The following GRIN2C variants were observed in gnomAD, a reference collection of about 807,000 sequenced individuals.
The protein encoded by GRIN2C is glutamate receptor ionotropic, NMDA 2C.
GRIN2C carries 64 observed loss-of-function variants against 77.7 expected under a neutral mutation model. The observed-to-expected ratio is 0.82, with a 90% confidence interval of 0.67 to 1.01. The LOEUF (loss-of-function observed/expected upper bound fraction) is 1.01. Ranked by LOEUF, GRIN2C falls within the 50% of genes least tolerant of loss-of-function variation. The pLI is 0.00. For synonymous variants in GRIN2C, 792 were observed against 643.4 expected (o/e 1.23, Z -3.49); for missense variants, 1,549 against 1,486.0 (o/e 1.04, Z -0.70).
rs139632656 is a variant in GRIN2C at position 74,853,463 on chromosome 17, T to C, written c.400-852A>G. ...AAACAGGCTGCAAAATAAACACTTA[T>C]GACAGTTATGAAACAATGGGGAAAT... On this transcript the variant is annotated intron_variant, in intron 2 of 12. Transcript: ENST00000293190. 14 of 152,354 alleles carry C rather than the reference T, an allele frequency of 9.2e-5. No individual in the cohort carries two copies. The East Asian group carries it at 2.1e-3, about 23-fold the overall frequency. The allele number at this position is 152,354 out of a possible 1,614,324, so 9.4% of individuals were successfully genotyped here. A position where few individuals can be genotyped will look rare whatever the true frequency, so the allele number is the denominator to read the frequency against.
chr17:74,842,980 G>T lies in GRIN2C; in HGVS notation c.3157C>A (p.Pro1053Thr), dbSNP rs969630193. The change falls in exon 13 of 13, where the codon CCG becomes ACG. Residue 1053 changes from proline (P) to threonine (T), a missense_variant. Around this residue, in one of 3 missense-constraint regions of GRIN2C, gnomAD observed 450 missense variants for 267.9 expected, o/e 1.68. Coordinates refer to ENST00000293190, the MANE Select transcript of GRIN2C (RefSeq NM_000835.6). ...GCCAGCTGCTCCGGACCGAGCAGCG[G>T]CAGGTCCTCCAGCTCCGGGAAGAGC... is the stretch of plus-strand genomic sequence containing the variant. ...LPLFPELEDL[P>T]LLGPEQLARR... 36 of 454,188 alleles carry T rather than the reference G, an allele frequency of 7.9e-5. No individual in the cohort carries two copies. The African/African-American group carries it at 1.0e-3, about 13-fold the overall frequency. 28.1% of individuals were successfully genotyped at this position (454,188 alleles called of 1,614,324 possible).
At position 74,852,325 on chromosome 17, in the gene GRIN2C, G is replaced by C. The variant is rs940247973; in HGVS notation, c.686C>G (p.Ser229Trp). 6.9e-7 allele frequency: 1 copy of C among 1,455,536 alleles called. No homozygotes were observed. 90.2% of individuals were successfully genotyped at this position (1,455,536 alleles called of 1,614,324 possible). The change falls in exon 3 of 13, where the codon TCG becomes TGG. Residue 229 changes from serine to tryptophan, a missense_variant. By Grantham distance (177) the Ser-to-Trp change is radical (BLOSUM62 -3). Transcript: ENST00000293190. ...LDAPVFVAYC[S>W]REEAEVLFAE... is the part of the protein sequence containing the mutation. ...GAAGAGCACCTCGGCCTCCTCGCGC[G>C]AGCAGTAGGCCACAAACACGGGCGC...
rs1555615208 is a variant in GRIN2C at position 74,850,259 on chromosome 17, T to TG, written c.1437dup (p.Asn480GlnfsTer35). 5 of 1,613,876 alleles carry TG rather than the reference T, an allele frequency of 3.1e-6. No homozygotes were observed. In the Middle Eastern group the frequency reaches 4.9e-4, roughly 160 times the overall value. Reference sequence around the variant, plus strand: ...CGCACCCGCTTGCCATGCTTGCCGTTGGTCACCAGGTACAGGTCGTAGGAG... The same window carrying TG: ...CGCACCCGCTTGCCATGCTTGCCGTTGGGTCACCAGGTACAGGTCGTAGGAG... On this transcript the variant is annotated frameshift_variant, in exon 6 of 13. Transcript: ENST00000293190. LOFTEE classifies it high-confidence loss of function. The surrounding 1 kb of genome is among the most constrained non-coding windows in gnomAD (Gnocchi z 5.3).
In GRIN2C at chr17:74,851,994, G is replaced by A; in HGVS notation, c.998+19C>T. The A allele has an allele frequency of 6.8e-7, 1 of 1,460,234 alleles. No homozygotes were observed. Among genetic ancestry groups the A allele is most frequent in the Non-Finnish European group, 9.1e-7 (1 of 1,101,894 alleles). The allele number at this position is 1,460,234 out of a possible 1,614,324, so 90.5% of individuals were successfully genotyped here. A position where few individuals can be genotyped will look rare whatever the true frequency, so the allele number is the denominator to read the frequency against. On this transcript the variant is annotated intron_variant, in intron 3 of 12. Transcript: ENST00000293190. ...GCGCTCCCCACCTCCCTACCCCTAT[G>A]CCCCGGGCAGGTGCCCACCTGTAGA...
intron 3 of GRIN2C, 26 bp from the exon 4 acceptor site, chr17:74,851,717 G>A: frequency 3.6e-6 from 5 of 1,399,952 alleles, no homozygotes; most frequent in Non-Finnish European, 9.9e-7. Context: ...GATGCCTGCA[G>A]CCCTGCCAAG....
At position 74,843,055 on chromosome 17, in the gene GRIN2C, G is replaced by T; in HGVS notation, c.3082C>A (p.His1028Asn). 1 of 465,214 alleles carries T rather than the reference G, an allele frequency of 2.1e-6. No homozygotes were observed. The highest frequency in any genetic ancestry group is 3.8e-6 in the Non-Finnish European group (1 of 259,906). The allele number at this position is 465,214 out of a possible 1,614,324, so 28.8% of individuals were successfully genotyped here. Reference protein sequence around the residue: ...SERPLSPARCHYSSFPRADRS... With the variant: ...SERPLSPARCNYSSFPRADRS... ...TCGGCTCGAGGAAAGGAGCTGTAGT[G>T]ACAGCGCGCGGGCGACAGGGGCCGC... Residue 1028 changes from histidine (H) to asparagine (N), a missense_variant, in exon 13 of 13, where the codon CAC becomes AAC. Physicochemically the swap from His to Asn is moderately conservative, Grantham distance 68. This residue lies in a region of GRIN2C where 450 missense variants were observed against 267.9 expected (regional missense o/e 1.68). Transcript: ENST00000293190.
At chr17:74,856,748 G>C (rs2037831415) in intron 1 of GRIN2C, among the ~76,000 whole-genome samples, 1 of 152,004 alleles carries the variant, frequency 6.6e-6, no homozygotes, top group African/African-American at 2.4e-5. Context: ...CAAAGTGCTG[G>C]GATTACAGGC....
chr17:74,844,535 G>A (rs1454597036), intron 11 of GRIN2C, 27 bp from the exon 12 acceptor site: 1 of 1,604,820 alleles, frequency 6.2e-7, no homozygotes, highest in Admixed American at 1.7e-5. Context: ...TACACATCTG[G>A]CTCAGGAAAC....
intron 1 of GRIN2C, among the ~76,000 whole-genome samples, chr17:74,857,984 T>C (rs1044113408): frequency 1.3e-5 from 2 of 152,228 alleles, no homozygotes; most frequent in African/African-American, 4.8e-5. Context: ...ATGTGGTTAC[T>C]AGAAAATTTT....
upstream of GRIN2C, chr17:74,860,798 G>A (rs1384540787): frequency 3.0e-6 from 1 of 331,902 alleles, no homozygotes; most frequent in Non-Finnish European, 5.9e-6. Flanking sequence ...CTAGGCTGGG[G>A]CAAAGGAGAT....
At position 74,847,464 on chromosome 17, in the gene GRIN2C, C is replaced by T. The variant is rs770596744; in HGVS notation, c.1845G>A (p.Val615=). The change falls in exon 9 of 13, where the codon GTG becomes GTA. Residue 615 remains valine (V), a synonymous_variant. Transcript: ENST00000293190. The surrounding 1 kb of genome is among the most constrained non-coding windows in gnomAD (Gnocchi z 5.2). ...TGGTGCCCCGCGGGTTCTCGATGGG[C>T]ACTGAGTTGTTGAAGACCAGCGCCC... is the stretch of plus-strand genomic sequence containing the variant. The part of the protein sequence containing the change: ...LLWALVFNNS[V]PIENPRGTTS... The T allele has an allele frequency of 8.4e-5, 135 of 1,613,982 alleles. No individual in the cohort carries two copies. The highest frequency in any genetic ancestry group is 1.1e-4 in the Non-Finnish European group (130 of 1,180,002).
intron 1 of GRIN2C, among the ~76,000 whole-genome samples, chr17:74,857,186 C>T (rs2037841682): frequency 1.3e-5 from 2 of 152,184 alleles, no homozygotes; most frequent in South Asian, 2.1e-4. Flanking sequence ...CCTCAAACTC[C>T]CCAGCCTCCC....
At position 74,842,792 on chromosome 17, in the gene GRIN2C, C is replaced by T. The variant is rs1377565920; in HGVS notation, c.3345G>A (p.Arg1115=). Residue 1115 remains arginine, a synonymous_variant, in exon 13 of 13, where the codon AGG becomes AGA. Coordinates refer to ENST00000293190, the MANE Select transcript of GRIN2C (RefSeq NM_000835.6). ...ACATCGACTGCGCCTGCGCCAAGCG[C>T]CTGCAGGCCGAGTGGCCGTCGGGGC... The part of the protein sequence containing the change: ...CARPDGHSAC[R]RLAQAQSMCL... 4.7e-6 allele frequency: 3 copies of T among 636,534 alleles called. No homozygotes were observed. The highest frequency in any genetic ancestry group is 8.4e-6 in the Non-Finnish European group (3 of 357,464). The allele number at this position is 636,534 out of a possible 1,614,324, so 39.4% of individuals were successfully genotyped here. A position where few individuals can be genotyped will look rare whatever the true frequency, so the allele number is the denominator to read the frequency against.
At chr17:74,851,819 C>T in intron 3 of GRIN2C, 128 bp from the exon 4 acceptor site, 1 of 708,554 alleles carries the variant, frequency 1.4e-6, no homozygotes. Flanking sequence ...CCTATATTGG[C>T]CCCACGATCC....
In GRIN2C at chr17:74,842,421, G is replaced by A; in HGVS notation, c.*14C>T. ...AGAGAATCCAGCTGGCTCGGAGCCT[G>A]AGTGGCTGATAACTCACACTTCTGA... On this transcript the variant is annotated 3_prime_UTR_variant, in exon 13 of 13. Coordinates refer to ENST00000293190, the MANE Select transcript of GRIN2C (RefSeq NM_000835.6). 1 of 768,216 alleles carries A rather than the reference G, an allele frequency of 1.3e-6. No homozygotes were observed. Among genetic ancestry groups the A allele is most frequent in the South Asian group, 1.4e-5 (1 of 73,400 alleles). The allele number at this position is 768,216 out of a possible 1,614,324, so 47.6% of individuals were successfully genotyped here. A position where few individuals can be genotyped will look rare whatever the true frequency, so the allele number is the denominator to read the frequency against.
chr17:74,842,976 A>G lies in GRIN2C; in HGVS notation c.3161T>C (p.Leu1054Pro). 1 of 499,904 alleles carries G rather than the reference A, an allele frequency of 2.0e-6. No individual in the cohort carries two copies. The highest frequency in any genetic ancestry group is 3.4e-6 in the Non-Finnish European group (1 of 291,600). The allele number at this position is 499,904 out of a possible 1,614,324, so 31.0% of individuals were successfully genotyped here. ...CCGGGCCAGCTGCTCCGGACCGAGC[A>G]GCGGCAGGTCCTCCAGCTCCGGGAA... The part of the protein sequence containing the change: ...PLFPELEDLP[L>P]LGPEQLARRE... The change falls in exon 13 of 13, where the codon CTG (leucine) becomes CCG (proline). Residue 1054 changes from leucine to proline, a missense_variant. Physicochemically the swap from Leu to Pro is moderately conservative, Grantham distance 98. Transcript: ENST00000293190.
At chr17:74,845,451 A>G (rs1772518306) in intron 11 of GRIN2C, among the ~76,000 whole-genome samples, 1 of 151,330 alleles carries the variant, frequency 6.6e-6, no homozygotes, top group African/African-American at 2.4e-5. Context: ...AACTTTATTT[A>G]TAGAGACAGG....
Position 74,843,204 on chromosome 17 carries a change from G to A in GRIN2C, c.2933C>T (p.Pro978Leu). ...CGGCCCCGGCGTCGGGGGGCGGCCC[G>A]GGGGCTGCGGAGCCCTGCGCACAAG... Reference protein sequence around the residue: ...AALVRRAPQPPGRPPTPGPPL... With the variant: ...AALVRRAPQPLGRPPTPGPPL... The change falls in exon 13 of 13, where the codon CCG (proline) becomes CTG (leucine). Residue 978 changes from proline to leucine, a missense_variant. Physicochemically the swap from Pro to Leu is moderately conservative, Grantham distance 98. Around this residue, in one of 3 missense-constraint regions of GRIN2C, gnomAD observed 450 missense variants for 267.9 expected, o/e 1.68. Transcript: ENST00000293190. 4.5e-6 allele frequency: 2 copies of A among 448,310 alleles called. No individual in the cohort carries two copies. The highest frequency in any genetic ancestry group is 7.4e-5 in the East Asian group (2 of 27,152). The allele number at this position is 448,310 out of a possible 1,614,324, so 27.8% of individuals were successfully genotyped here. A position where few individuals can be genotyped will look rare whatever the true frequency, so the allele number is the denominator to read the frequency against.
chr17:74,854,850 G>T lies in GRIN2C; in HGVS notation c.243C>A (p.Ile81=), dbSNP rs1434088553. The T allele has an allele frequency of 1.2e-6, 2 of 1,613,468 alleles. No homozygotes were observed. The highest frequency in any genetic ancestry group is 1.7e-6 in the Non-Finnish European group (2 of 1,179,560). The change falls in exon 2 of 13, where the codon ATC becomes ATA. Residue 81 remains isoleucine, a synonymous_variant. Transcript: ENST00000293190. The part of the protein sequence containing the change: ...TTNPSSLLTQ[I]CGLLGAAHVH... ...CGTGGGCAGCACCCAGGAGGCCGCA[G>T]ATCTGGGTGAGGAGGCTGCTGGGGT...
Sources: gnomAD v4.1 joint callset for allele counts (sites outside exome capture counted in the v4.1 genomes callset) on GRCh38, gnomAD v4.1.1 for gene constraint, gnomAD v4.1.1 regional missense constraint, Gnocchi (gnomAD v3.1) non-coding constraint, MANE v1.5 for transcripts, NCBI Gene and HGNC (gene_info 2026-07-23, HGNC 2026-07-21) for gene names.